Variants in JAZF1 observed in about 807,000 individuals in gnomAD.
The protein encoded by JAZF1 is JAZF zinc finger 1, also known as juxtaposed with another zinc finger protein 1.
A neutral mutation model predicts 26.4 loss-of-function variants in JAZF1; 8 were observed. That is an observed-to-expected ratio of 0.30 (90% CI 0.18 to 0.55). JAZF1 has a LOEUF of 0.55. Ranked by LOEUF, JAZF1 falls within the 20% of genes least tolerant of loss-of-function variation. The pLI, the probability that JAZF1 is intolerant of heterozygous loss-of-function variation, is 0.94. For synonymous variants in JAZF1, 126 were observed against 122.3 expected (o/e 1.03, Z -0.20); for missense variants, 199 against 322.0 (o/e 0.62, Z 2.92).
In JAZF1 at chr7:28,037,342, T is replaced by C. The variant is rs1783311479; in HGVS notation, c.116-45361A>G. 3.3e-5 allele frequency among the ~76,000 whole-genome samples: 5 copies of C among 152,342 alleles called. No individual in the cohort carries two copies. The South Asian group carries it at 1.0e-3, about 32-fold the overall frequency. ...GCAGGACCAATTAAACCTGTCTTAA[T>C]AAAATTCTCAAGCAATGCTGACATG... is the stretch of plus-strand genomic sequence containing the variant. On this transcript the variant is annotated intron_variant, in intron 1 of 4. Transcript: ENST00000283928.
rs758109995 is a variant in JAZF1 at position 28,020,593 on chromosome 7, A to C, written c.116-28612T>G. 1.1e-5 allele frequency: 5 copies of C among 471,148 alleles called. 1 individual carries two copies. Among genetic ancestry groups the C allele is most frequent in the South Asian group, 6.2e-5 (4 of 64,574 alleles). The allele number at this position is 471,148 out of a possible 1,614,324, so 29.2% of individuals were successfully genotyped here. On this transcript the variant is annotated intron_variant, in intron 1 of 4. Coordinates refer to ENST00000283928, the MANE Select transcript of JAZF1 (RefSeq NM_175061.4). ...GCATGGACATGCATATTCGTACAAC[A>C]ACCATGTCTTCATTTCTCAGCATTT...
intron 1 of JAZF1, among the ~76,000 whole-genome samples, chr7:28,035,999 T>C (rs955175463): frequency 6.6e-6 from 1 of 152,222 alleles, no homozygotes; most frequent in Non-Finnish European, 1.5e-5. Flanking sequence ...TTTCTAACAA[T>C]GTAACATACA....
chr7:27,936,476 T>C (rs775120997), intron 2 of JAZF1, among the ~76,000 whole-genome samples: 13 of 152,226 alleles, frequency 8.5e-5, no homozygotes, highest in Non-Finnish European at 1.8e-4. Context: ...ATAGTGTAAA[T>C]GCTACAATAA....
In JAZF1 at chr7:28,089,991, G is replaced by A. The variant is rs963884621; in HGVS notation, c.115+90472C>T. ...GAGATTACATCATTTAGATTCAAAA[G>A]TCCATGTAAGATTTGGGTCCCCAAG... On this transcript the variant is annotated intron_variant, in intron 1 of 4. Transcript: ENST00000283928. 4.6e-5 allele frequency among the ~76,000 whole-genome samples: 7 copies of A among 152,212 alleles called. No individual in the cohort carries two copies. The East Asian group carries it at 1.3e-3, about 29-fold the overall frequency.
At chr7:28,082,059 T>C (rs1784145968) in intron 1 of JAZF1, among the ~76,000 whole-genome samples, 1 of 152,222 alleles carries the variant, frequency 6.6e-6, no homozygotes, top group Admixed American at 6.5e-5. Flanking sequence ...AAGTTTATTA[T>C]TTAAAAGTCC....
chr7:27,992,019 TGCATCAGAATATATGAG>T, intron 1 of JAZF1, 38 bp from the exon 2 acceptor site: 1 of 1,272,000 alleles, frequency 7.9e-7, no homozygotes, highest in Non-Finnish European at 1.2e-6. Flanking sequence ...TTTTAGATTT[TGCATCAGAATATATGAG>T]GCTACCTAAC....
chr7:28,123,042 T>C (rs1050331865), intron 1 of JAZF1, among the ~76,000 whole-genome samples: 1 of 152,084 alleles, frequency 6.6e-6, no homozygotes, highest in Non-Finnish European at 1.5e-5. Flanking sequence ...CTGGGAAGTT[T>C]TTTCCAACTC....
chr7:28,180,126 C>T (rs1354359648), intron 1 of JAZF1, among the ~76,000 whole-genome samples: 1 of 145,334 alleles, frequency 6.9e-6, no homozygotes, highest in African/African-American at 2.5e-5. Flanking sequence ...CCCCGCGCGC[C>T]GGCACTCGGC....
chr7:28,006,469 T>C (rs894586836), intron 1 of JAZF1, among the ~76,000 whole-genome samples: 75 of 152,340 alleles, frequency 4.9e-4, no homozygotes, highest in African/African-American at 1.7e-3. Flanking sequence ...GTGCTTGCGT[T>C]GTGGGACTAC....
intron 2 of JAZF1, among the ~76,000 whole-genome samples, chr7:27,943,875 G>C (rs1160111758): frequency 6.6e-6 from 1 of 152,160 alleles, no homozygotes; most frequent in Non-Finnish European, 1.5e-5. Flanking sequence ...ACCTTATTCT[G>C]TCAAGGTAAA....
At chr7:27,866,536 G>A (rs1271436906) in intron 3 of JAZF1, among the ~76,000 whole-genome samples, 1 of 152,188 alleles carries the variant, frequency 6.6e-6, no homozygotes, top group African/African-American at 2.4e-5. Context: ...GGTTTCATAA[G>A]CATATTTAGG....
rs1261410743 is a variant in JAZF1, at chr7:27,991,932, A to G, written c.165T>C (p.Tyr55=). Residue 55 remains tyrosine (Y), a synonymous_variant, in exon 2 of 5, where the codon TAT becomes TAC. Transcript: ENST00000283928. ...LEKQELQQPT[Y]VALSYINRFM... Reference sequence around the variant, plus strand: ...ACCTATTTATGTAACTCAGGGCAACATAGGTTGGCTGCTGTAATTCTTGTT... The same window carrying G: ...ACCTATTTATGTAACTCAGGGCAACGTAGGTTGGCTGCTGTAATTCTTGTT... The G allele has an allele frequency of 6.2e-7, 1 of 1,604,800 alleles. No individual in the cohort carries two copies. The highest frequency in any genetic ancestry group is 8.5e-7 in the Non-Finnish European group (1 of 1,172,474).
intron 1 of JAZF1, among the ~76,000 whole-genome samples, chr7:28,096,390 G>A (rs1035879993): frequency 7.9e-5 from 12 of 152,154 alleles, no homozygotes; most frequent in South Asian, 2.1e-4. Flanking sequence ...CATATATGTC[G>A]GAAATGACCT....
chr7:27,961,970 C>G (rs1785192671), intron 2 of JAZF1, among the ~76,000 whole-genome samples: 1 of 152,160 alleles, frequency 6.6e-6, no homozygotes, highest in Non-Finnish European at 1.5e-5. Context: ...AATCCCAGCT[C>G]CACTAGTGGT....
At chr7:27,864,559 C>T (rs550121909) in intron 3 of JAZF1, among the ~76,000 whole-genome samples, 33 of 152,300 alleles carry the variant, frequency 2.2e-4, no homozygotes, top group African/African-American at 6.0e-4. Flanking sequence ...CTGAGGGCTC[C>T]GGTCAAGCTG....
At chr7:27,996,429 G>A (rs1786018154) in intron 1 of JAZF1, among the ~76,000 whole-genome samples, 3 of 152,184 alleles carry the variant, frequency 2.0e-5, no homozygotes. Flanking sequence ...GGCCTGAGAG[G>A]ATGTGGGTGG....
intron 2 of JAZF1, among the ~76,000 whole-genome samples, chr7:27,897,484 T>C (rs1784088420): frequency 6.6e-6 from 1 of 150,830 alleles, no homozygotes; most frequent in African/African-American, 2.4e-5. Flanking sequence ...CACGGGAGTC[T>C]GATCTTTGGC....
At chr7:27,889,038 T>G (rs1783920999) in intron 3 of JAZF1, among the ~76,000 whole-genome samples, 1 of 152,124 alleles carries the variant, frequency 6.6e-6, no homozygotes, top group Non-Finnish European at 1.5e-5. Flanking sequence ...GTGGAATATG[T>G]TCAAAATTCA....
intron 1 of JAZF1, among the ~76,000 whole-genome samples, chr7:28,074,902 T>C (rs900038140): frequency 6.6e-6 from 1 of 152,166 alleles, no homozygotes; most frequent in Non-Finnish European, 1.5e-5. Flanking sequence ...AGTCTAAGCA[T>C]TTATAAAAAA....
Sources: allele counts gnomAD v4.1 joint callset (sites outside exome capture counted in the v4.1 genomes callset), GRCh38; gene constraint gnomAD v4.1.1; transcripts MANE v1.5; gene names NCBI Gene and HGNC (gene_info 2026-07-23, HGNC 2026-07-21).